LIN52: variants seen among roughly 807,000 people sequenced by gnomAD.
LIN52 encodes the protein lin-52 DREAM MuvB core complex component.
In LIN52, 4 loss-of-function variants were observed where a neutral mutation model predicts 18.5. The observed-to-expected ratio is 0.22, with a 90% CI of 0.11 to 0.49. The LOEUF is 0.49. Ranked by LOEUF, LIN52 falls within the 20% of genes least tolerant of loss-of-function variation. The pLI is 0.97. For missense variants in LIN52, 102 were observed against 139.5 expected, an observed-to-expected ratio of 0.73 and a Z score of 1.35; for synonymous variants, 34 against 45.5, an observed-to-expected ratio of 0.75 and a Z score of 1.02.
intron 5 of LIN52, among the ~76,000 whole-genome samples, chr14:74,157,889 C>T (rs2061206532): frequency 6.6e-6 from 1 of 152,138 alleles, no homozygotes; most frequent in African/African-American, 2.4e-5. Flanking sequence ...AAATGTGGAA[C>T]TTCTTGGTCT....
At chr14:74,086,136 ATAGT>A (rs1309848432) in intron 1 of LIN52, among the ~76,000 whole-genome samples, 1 of 152,012 alleles carries the variant, frequency 6.6e-6, no homozygotes, top group Non-Finnish European at 1.5e-5. Context: ...CCTTGTCAGC[ATAGT>A]TACTCTGTTA....
chr14:74,153,509 CTT>C (rs2061185852), intron 5 of LIN52, among the ~76,000 whole-genome samples: 2 of 150,948 alleles, frequency 1.3e-5, no homozygotes, highest in South Asian at 4.2e-4. Context: ...AACATGTTGT[CTT>C]TTAATATTCC....
intron 1 of LIN52, among the ~76,000 whole-genome samples, chr14:74,088,839 C>T (rs1409225064): frequency 6.6e-6 from 1 of 152,138 alleles, no homozygotes; most frequent in African/African-American, 2.4e-5. Context: ...GCATACTGAG[C>T]ATACAATAAA....
At chr14:74,150,192 C>T (rs1043268287) in intron 5 of LIN52, among the ~76,000 whole-genome samples, 25 of 151,760 alleles carry the variant, frequency 1.6e-4, no homozygotes, top group African/African-American at 5.3e-4. Flanking sequence ...ATTTGTGTGC[C>T]GAAAGATAAA....
At chr14:74,114,674 A>G (rs2060953249) in intron 5 of LIN52, among the ~76,000 whole-genome samples, 1 of 152,220 alleles carries the variant, frequency 6.6e-6, no homozygotes, top group African/African-American at 2.4e-5. Context: ...TCTTAGAAAT[A>G]AGTAAATGTC....
intron 5 of LIN52, among the ~76,000 whole-genome samples, chr14:74,181,435 CAAA>C (rs35376861): frequency 9.2e-6 from 1 of 108,420 alleles, no homozygotes; most frequent in Admixed American, 9.1e-5. Flanking sequence ...AAGACCCTGT[CAAA>C]AAAAAAAAAA....
intron 5 of LIN52, among the ~76,000 whole-genome samples, chr14:74,149,309 T>C (rs947371660): frequency 3.3e-5 from 5 of 152,208 alleles, no homozygotes; most frequent in African/African-American, 1.2e-4. Flanking sequence ...CACATACTTA[T>C]AGCATCACTT....
intron 5 of LIN52, among the ~76,000 whole-genome samples, chr14:74,142,209 C>T (rs571390950): frequency 3.3e-5 from 5 of 152,170 alleles, no homozygotes; most frequent in Non-Finnish European, 5.9e-5. Context: ...TTTTTTAACT[C>T]GAAGCTCTTT....
intron 5 of LIN52, among the ~76,000 whole-genome samples, chr14:74,147,502 G>C (rs1457092043): frequency 6.6e-6 from 1 of 152,128 alleles, no homozygotes; most frequent in Non-Finnish European, 1.5e-5. Context: ...AAAGTACTTG[G>C]GTAGGACAGG....
At chr14:74,107,540 AGTTT>A (rs965148198) in intron 5 of LIN52, among the ~76,000 whole-genome samples, 3 of 152,048 alleles carry the variant, frequency 2.0e-5, no homozygotes, top group Admixed American at 6.6e-5. Flanking sequence ...CCCCTAGAGC[AGTTT>A]GTTTGTTTGA....
intron 5 of LIN52, among the ~76,000 whole-genome samples, chr14:74,154,148 C>G (rs959637570): frequency 1.3e-5 from 2 of 151,572 alleles, no homozygotes; most frequent in Admixed American, 6.6e-5. Flanking sequence ...CAGGTCCCAT[C>G]TAGGATACTG....
At chr14:74,145,184 C>T (rs2061148467) in intron 5 of LIN52, among the ~76,000 whole-genome samples, 1 of 152,164 alleles carries the variant, frequency 6.6e-6, no homozygotes, top group Non-Finnish European at 1.5e-5. Context: ...AGCTGTTTCT[C>T]CATTAGAACG....
intron 4 of LIN52, 85 bp from the exon 5 acceptor site, chr14:74,101,070 G>A (rs2060850745): frequency 9.7e-7 from 1 of 1,035,766 alleles, no homozygotes; most frequent in African/African-American, 1.6e-5. Flanking sequence ...TTGAAAACTT[G>A]TATAACAAGA....
At position 74,200,480 on chromosome 14, in the gene LIN52, C is replaced by T. The variant is rs2078941979; in HGVS notation, c.*1503C>T. 7.0e-6 allele frequency: 1 copy of T among 142,410 alleles called. No individual in the cohort carries two copies. The highest frequency in any genetic ancestry group is 2.7e-5 in the African/African-American group (1 of 37,490). The allele number at this position is 142,410 out of a possible 1,614,324, so 8.8% of individuals were successfully genotyped here. A position where few individuals can be genotyped will look rare whatever the true frequency, so the allele number is the denominator to read the frequency against. On this transcript the variant is annotated 3_prime_UTR_variant, in exon 6 of 6. Coordinates refer to ENST00000555028, the MANE Select transcript of LIN52 (RefSeq NM_001024674.3). ...TGGCAATAGTCTGATGGTGTTTGGA[C>T]ACAAGAAAAGTTATGGTTTTGAGTC...
rs7160740 is a variant in LIN52 at position 74,105,925 on chromosome 14, A to T, written c.283+4687A>T. 2.0e-5 allele frequency among the ~76,000 whole-genome samples: 3 copies of T among 152,336 alleles called. No homozygotes were observed. The South Asian group carries it at 6.2e-4, about 32-fold the overall frequency. On this transcript the variant is annotated intron_variant, in intron 5 of 5. Coordinates refer to ENST00000555028, the MANE Select transcript of LIN52 (RefSeq NM_001024674.3). ...GTAACTAGGTTGTGTCTTTTGGAAG[A>T]TGAGTGCTACCCTTTGAATTGGTAC...
intron 5 of LIN52, among the ~76,000 whole-genome samples, chr14:74,128,725 T>A (rs2061042481): frequency 6.6e-6 from 1 of 152,118 alleles, no homozygotes; most frequent in Non-Finnish European, 1.5e-5. Flanking sequence ...GCAGATCACT[T>A]GAGATCAGGA....
chr14:74,158,311 C>T (rs2061209641), intron 5 of LIN52, among the ~76,000 whole-genome samples: 1 of 151,848 alleles, frequency 6.6e-6, no homozygotes, highest in Non-Finnish European at 1.5e-5. Flanking sequence ...TGGAGTTTCA[C>T]CATGTTGGCC....
intron 5 of LIN52, among the ~76,000 whole-genome samples, chr14:74,180,339 C>T (rs1203614297): frequency 6.8e-6 from 1 of 147,556 alleles, no homozygotes; most frequent in African/African-American, 2.5e-5. Context: ...GATCTCGGCT[C>T]ACTGCAAGCT....
At chr14:74,164,008 G>C (rs1416359608) in intron 5 of LIN52, among the ~76,000 whole-genome samples, 2 of 150,022 alleles carry the variant, frequency 1.3e-5, no homozygotes, top group Admixed American at 1.3e-4. Flanking sequence ...TTGAGACAGA[G>C]ACTCGTGCTG....
Sources: allele counts gnomAD v4.1 joint callset (sites outside exome capture counted in the v4.1 genomes callset), GRCh38; gene constraint gnomAD v4.1.1; transcripts MANE v1.5; gene names NCBI Gene and HGNC (gene_info 2026-07-23, HGNC 2026-07-21).